LRBA: variants seen among roughly 807,000 people sequenced by gnomAD.
LRBA encodes LPS responsive beige-like anchor protein.
In LRBA, 176 loss-of-function variants were observed where a neutral mutation model predicts 330.0. The observed-to-expected ratio is 0.53, with a 90% CI of 0.47 to 0.60. LRBA has a LOEUF of 0.60. Ranked by LOEUF, LRBA falls within the 20% of genes least tolerant of loss-of-function variation. LRBA has a pLI of 0.00. For synonymous variants in LRBA, 1,230 were observed against 1,193.0 expected, an observed-to-expected ratio of 1.03 and a Z score of -0.64; for missense variants, 3,259 against 3,444.8, an observed-to-expected ratio of 0.95 and a Z score of 1.35.
intron 22 of LRBA, among the ~76,000 whole-genome samples, chr4:150,864,130 G>A (rs549625150): frequency 1.3e-5 from 2 of 152,088 alleles, no homozygotes; most frequent in African/African-American, 2.4e-5. Context: ...TAGAGACAGG[G>A]TTTCACCATG....
At chr4:150,446,945 G>A (rs1002420696) in intron 44 of LRBA, among the ~76,000 whole-genome samples, 1 of 152,114 alleles carries the variant, frequency 6.6e-6, no homozygotes, top group African/African-American at 2.4e-5. Context: ...TATGGTGGGG[G>A]AGGGGGTTAA....
chr4:150,560,431 T>C (rs1354724863), intron 40 of LRBA, among the ~76,000 whole-genome samples: 1 of 152,170 alleles, frequency 6.6e-6, no homozygotes, highest in Non-Finnish European at 1.5e-5. Flanking sequence ...GCAGTTATTC[T>C]ATCCTGTGAT....
intron 45 of LRBA, 107 bp from the exon 46 acceptor site, chr4:150,435,815 G>T: frequency 1.5e-6 from 1 of 684,394 alleles, no homozygotes; most frequent in Admixed American, 3.1e-5. Context: ...GCATTCACTA[G>T]TAATATAAAC....
Position 150,831,872 on chromosome 4 carries a change from C to A in LRBA, c.4674G>T (p.Arg1558Ser), listed in dbSNP as rs150854432. The A allele has an allele frequency of 1.6e-5, 26 of 1,604,884 alleles. No individual in the cohort carries two copies. The highest frequency in any genetic ancestry group is 2.2e-5 in the Non-Finnish European group (26 of 1,175,586). ...YRDILEPQNERHSQSCTETGS... is the reference protein window; with the variant it reads ...YRDILEPQNESHSQSCTETGS... Reference sequence around the variant, plus strand: ...CAGTTTCTGTACATGACTGGCTATGCCTTTCATTTTGGGGTTCCAAAATGT... The same window carrying A: ...CAGTTTCTGTACATGACTGGCTATGACTTTCATTTTGGGGTTCCAAAATGT... Residue 1558 changes from arginine to serine, a missense_variant, in exon 29 of 57, where the codon AGG (arginine) becomes AGT (serine). Coordinates refer to ENST00000651943, the MANE Select transcript of LRBA (RefSeq NM_001364905.1).
At chr4:150,504,419 A>C (rs920556285) in intron 40 of LRBA, among the ~76,000 whole-genome samples, 1 of 152,266 alleles carries the variant, frequency 6.6e-6, no homozygotes, top group African/African-American at 2.4e-5. Context: ...ACAAGCCAGA[A>C]GAGAGTGGGG....
At chr4:150,614,324 T>G (rs1330244494) in intron 37 of LRBA, among the ~76,000 whole-genome samples, 1 of 152,128 alleles carries the variant, frequency 6.6e-6, no homozygotes, top group Non-Finnish European at 1.5e-5. Context: ...GTATTATAAC[T>G]GCAGATAAAT....
intron 35 of LRBA, among the ~76,000 whole-genome samples, chr4:150,750,154 T>C (rs896459986): frequency 5.9e-5 from 9 of 152,246 alleles, no homozygotes; most frequent in African/African-American, 2.2e-4. Context: ...TTTACTCTCA[T>C]AACATTATCC....
At chr4:151,003,312 G>T (rs149967969) in intron 2 of LRBA, among the ~76,000 whole-genome samples, 1 of 149,900 alleles carries the variant, frequency 6.7e-6, no homozygotes, top group Admixed American at 6.7e-5. Flanking sequence ...CAGAAGGATC[G>T]CTTGAACCTG....
At chr4:150,666,346 T>C (rs563147630) in intron 37 of LRBA, among the ~76,000 whole-genome samples, 1 of 152,118 alleles carries the variant, frequency 6.6e-6, no homozygotes, top group East Asian at 1.9e-4. Flanking sequence ...CAGCAGTCTC[T>C]ACTAAAAATA....
chr4:151,005,097 A>G lies in LRBA; in HGVS notation c.216+9330T>C, dbSNP rs371737459. Among the ~76,000 whole-genome samples the G allele has an allele frequency of 3.0e-4, 45 of 152,306 alleles. 1 individual carries two copies. In the South Asian group the frequency reaches 9.3e-3, roughly 32 times the overall value. The stretch of plus-strand genomic sequence containing the variant: ...TAAACTTACACAAACTAATCTACAC[A>G]GGATTCCCACAAATAAAATCCCACA... On this transcript the variant is annotated intron_variant, in intron 2 of 56. Coordinates refer to ENST00000651943, the MANE Select transcript of LRBA (RefSeq NM_001364905.1).
chr4:150,308,816 G>A (rs1580970453), intron 52 of LRBA, among the ~76,000 whole-genome samples: 1 of 152,130 alleles, frequency 6.6e-6, no homozygotes, highest in Admixed American at 6.5e-5. Flanking sequence ...CAATGTGTTT[G>A]TGTTTTAAGC....
At chr4:150,355,669 G>A (rs951135713) in intron 47 of LRBA, among the ~76,000 whole-genome samples, 27 of 151,962 alleles carry the variant, frequency 1.8e-4, no homozygotes, top group Non-Finnish European at 5.9e-5. Context: ...AGTTTCAAAT[G>A]AGAAAATGAA....
intron 22 of LRBA, among the ~76,000 whole-genome samples, chr4:150,864,381 TAATATA>T (rs1401317502): frequency 1.3e-5 from 2 of 152,112 alleles, no homozygotes; most frequent in Admixed American, 6.5e-5. Flanking sequence ...ACTCAATATA[TAATATA>T]AATAACATTT....
intron 2 of LRBA, among the ~76,000 whole-genome samples, chr4:151,011,899 G>T (rs1744893143): frequency 6.6e-6 from 1 of 151,766 alleles, no homozygotes; most frequent in Non-Finnish European, 1.5e-5. Context: ...GCCCAGGCTG[G>T]TCTCAAACTC....
intron 22 of LRBA, among the ~76,000 whole-genome samples, chr4:150,867,460 AAAC>A (rs1213877282): frequency 1.2e-4 from 18 of 152,354 alleles, no homozygotes; most frequent in African/African-American, 4.1e-4. Flanking sequence ...GTACATGTAA[AAAC>A]AACATTAGAA....
chr4:150,312,863 G>C (rs1731239088), intron 51 of LRBA, among the ~76,000 whole-genome samples: 1 of 152,008 alleles, frequency 6.6e-6, no homozygotes. Flanking sequence ...TTTCCTAAGT[G>C]AGTAACACTG....
At chr4:150,288,222 G>A (rs1302977472) in intron 53 of LRBA, among the ~76,000 whole-genome samples, 3 of 151,634 alleles carry the variant, frequency 2.0e-5, no homozygotes, top group East Asian at 3.9e-4. Flanking sequence ...CTCGTGATCC[G>A]CCTGCCTCGG....
chr4:150,714,710 AT>A (rs967120421), intron 36 of LRBA, among the ~76,000 whole-genome samples: 2 of 152,150 alleles, frequency 1.3e-5, no homozygotes, highest in African/African-American at 4.8e-5. Context: ...TTTAGCCATA[AT>A]GTATACACAC....
At chr4:150,840,910 T>G (rs1375773628) in intron 28 of LRBA, 1 of 1,080,458 alleles carries the variant, frequency 9.3e-7, no homozygotes, top group South Asian at 1.8e-5. Context: ...ATGTCAAAAA[T>G]TTTGGATATA....
Sources: allele counts gnomAD v4.1 joint callset (sites outside exome capture counted in the v4.1 genomes callset), GRCh38; gene constraint gnomAD v4.1.1; transcripts MANE v1.5; gene names NCBI Gene and HGNC (gene_info 2026-07-23, HGNC 2026-07-21).